FHIT: variants seen among roughly 807,000 people sequenced by gnomAD.
FHIT encodes bis(5'-adenosyl)-triphosphatase.
In FHIT, 19 loss-of-function variants were observed where a neutral mutation model predicts 17.9. The ratio of observed to expected loss-of-function variants is 1.06; its 90% CI spans 0.74 to 1.56. FHIT has a LOEUF of 1.56. Ranked by LOEUF, FHIT falls within the 40% of genes most tolerant of loss-of-function variation. The probability of loss-of-function intolerance (pLI) is 0.00; values close to 1 mark genes in which losing one functional copy is unlikely to be tolerated. For synonymous variants in FHIT, 81 were observed against 69.7 expected, an observed-to-expected ratio of 1.16 and a Z score of -0.81; for missense variants, 248 against 189.2, an observed-to-expected ratio of 1.31 and a Z score of -1.82.
chr3:60,275,247 T>G (rs1330690813), intron 5 of FHIT, among the ~76,000 whole-genome samples: 1 of 149,296 alleles, frequency 6.7e-6, no homozygotes, highest in African/African-American at 2.5e-5. Context: ...AAAAAAAAAC[T>G]ATGAATCAAC....
At position 60,438,089 on chromosome 3, in the gene FHIT, T is replaced by C. The variant is rs74473039; in HGVS notation, c.103+98771A>G. Among the ~76,000 whole-genome samples the C allele has an allele frequency of 7.2e-3, 1,100 of 152,194 alleles. 10 individuals carry two copies. The highest frequency in any genetic ancestry group is 0.012 in the Non-Finnish European group (817 of 67,996). Reference sequence around the variant, plus strand: ...AGGAAGTAATCATGTCCTTGGGATATGGCAACTGTGGCAACCGTACAGTCA... The same window carrying C: ...AGGAAGTAATCATGTCCTTGGGATACGGCAACTGTGGCAACCGTACAGTCA... On this transcript the variant is annotated intron_variant, in intron 5 of 9. Transcript: ENST00000492590.
At chr3:60,555,174 T>A (rs368752827) in intron 4 of FHIT, among the ~76,000 whole-genome samples, 2 of 152,232 alleles carry the variant, frequency 1.3e-5, no homozygotes, top group East Asian at 1.9e-4. Flanking sequence ...ATTCAAGGCC[T>A]TGAATCCAAA....
intron 5 of FHIT, among the ~76,000 whole-genome samples, chr3:60,270,877 G>A (rs983087696): frequency 1.3e-5 from 2 of 152,166 alleles, no homozygotes; most frequent in African/African-American, 4.8e-5. Context: ...AAAACACAGT[G>A]CACAGCAGAC....
chr3:60,011,358 A>C lies in FHIT; in HGVS notation c.279+13T>G, dbSNP rs766921659. On this transcript the variant is annotated intron_variant, in intron 7 of 9. Coordinates refer to ENST00000492590, the MANE Select transcript of FHIT (RefSeq NM_002012.4). ...GCCTCTTATTAATTTGTATGCACAT[A>C]ATAAGCACTCACCTTCACAGTCTGT... 2 of 1,613,384 alleles carry C rather than the reference A, an allele frequency of 1.2e-6. No homozygotes were observed. The highest frequency in any genetic ancestry group is 1.7e-5 in the Admixed American group (1 of 60,014).
At chr3:60,355,250 AG>A (rs1699598787) in intron 5 of FHIT, among the ~76,000 whole-genome samples, 1 of 152,190 alleles carries the variant, frequency 6.6e-6, no homozygotes, top group African/African-American at 2.4e-5. Context: ...TCGATTTACA[AG>A]CTTTCCATTT....
At chr3:60,797,193 A>T (rs1416295414) in intron 4 of FHIT, among the ~76,000 whole-genome samples, 2 of 152,014 alleles carry the variant, frequency 1.3e-5, no homozygotes, top group African/African-American at 4.8e-5. Flanking sequence ...ACAACCAGTA[A>T]CTCTTACTCT....
chr3:60,563,361 C>T (rs1218860785), intron 4 of FHIT, among the ~76,000 whole-genome samples: 2 of 152,176 alleles, frequency 1.3e-5, no homozygotes, highest in Non-Finnish European at 2.9e-5. Flanking sequence ...CTTTACTGTG[C>T]TTCTCAGATA....
chr3:61,173,101 C>T (rs1380962871), intron 2 of FHIT, among the ~76,000 whole-genome samples: 1 of 152,114 alleles, frequency 6.6e-6, no homozygotes, highest in Non-Finnish European at 1.5e-5. Context: ...ATTTTAAATA[C>T]CTTGATTTAA....
intron 2 of FHIT, among the ~76,000 whole-genome samples, chr3:61,173,547 A>G (rs1170534478): frequency 6.6e-6 from 1 of 152,228 alleles, no homozygotes; most frequent in Non-Finnish European, 1.5e-5. Context: ...ATATACATAT[A>G]CAGTCCATCA....
chr3:60,431,030 G>A (rs952425743), intron 5 of FHIT, among the ~76,000 whole-genome samples: 1 of 151,984 alleles, frequency 6.6e-6, no homozygotes, highest in African/African-American at 2.4e-5. Context: ...TGGACAACAT[G>A]GTGAAACCCT....
chr3:60,051,128 C>T (rs1701859954), intron 5 of FHIT, among the ~76,000 whole-genome samples: 2 of 152,140 alleles, frequency 1.3e-5, no homozygotes, highest in Non-Finnish European at 2.9e-5. Context: ...CAGGAGGGTA[C>T]CTAATGGGGC....
intron 5 of FHIT, among the ~76,000 whole-genome samples, chr3:60,228,686 C>T (rs1053109152): frequency 1.3e-5 from 2 of 151,980 alleles, no homozygotes; most frequent in African/African-American, 4.8e-5. Context: ...GTACAAAGGC[C>T]AATTTATAGC....
At chr3:59,977,297 C>G (rs1708457350) in intron 7 of FHIT, among the ~76,000 whole-genome samples, 1 of 152,128 alleles carries the variant, frequency 6.6e-6, no homozygotes, top group South Asian at 2.1e-4. Flanking sequence ...CTATCAAGGC[C>G]TCTTTTCAAG....
chr3:59,833,139 T>C (rs1039430913), intron 8 of FHIT, among the ~76,000 whole-genome samples: 4 of 152,242 alleles, frequency 2.6e-5, no homozygotes, highest in African/African-American at 7.2e-5. Context: ...GTATAAATCA[T>C]TGTAATTGAA....
intron 8 of FHIT, among the ~76,000 whole-genome samples, chr3:59,803,743 C>T (rs1312232064): frequency 7.1e-6 from 1 of 140,134 alleles, no homozygotes; most frequent in African/African-American, 2.5e-5. Context: ...AACAACCAAG[C>T]CTGAACGAAA....
intron 8 of FHIT, among the ~76,000 whole-genome samples, chr3:59,837,528 G>C (rs1363842828): frequency 6.6e-6 from 1 of 152,008 alleles, no homozygotes; most frequent in Admixed American, 6.5e-5. Context: ...TGGATATGGA[G>C]GGCCAACTGT....
At chr3:60,496,519 T>C (rs1001466538) in intron 5 of FHIT, among the ~76,000 whole-genome samples, 13 of 152,170 alleles carry the variant, frequency 8.5e-5, no homozygotes, top group Non-Finnish European at 1.8e-4. Flanking sequence ...GGGAAACAGA[T>C]GTTTTCACCC....
intron 3 of FHIT, among the ~76,000 whole-genome samples, chr3:60,852,224 T>C (rs1424704625): frequency 6.6e-6 from 1 of 152,132 alleles, no homozygotes; most frequent in East Asian, 1.9e-4. Context: ...CTTTGGACTC[T>C]AACTGAAACA....
At chr3:60,456,172 G>C (rs949587601) in intron 5 of FHIT, among the ~76,000 whole-genome samples, 2 of 152,194 alleles carry the variant, frequency 1.3e-5, no homozygotes, top group African/African-American at 4.8e-5. Flanking sequence ...GTACACACAA[G>C]ATACAGTGTT....
Sources: gnomAD v4.1 joint callset for allele counts (sites outside exome capture counted in the v4.1 genomes callset) on GRCh38, gnomAD v4.1.1 for gene constraint, MANE v1.5 for transcripts, NCBI Gene and HGNC (gene_info 2026-07-23, HGNC 2026-07-21) for gene names.